PRIM2: variants seen among roughly 807,000 people sequenced by gnomAD.
PRIM2 encodes the protein DNA primase large subunit.
In PRIM2, 39 loss-of-function variants were observed where a neutral mutation model predicts 67.3. The ratio of observed to expected loss-of-function variants is 0.58; its 90% confidence interval spans 0.45 to 0.76. The LOEUF (loss-of-function observed/expected upper bound fraction) is 0.76, where lower values mean the gene tolerates loss of function less well. Among genes scored for constraint, PRIM2 ranks in the 30% least tolerant of loss-of-function variants. The pLI is 0.00. For missense variants in PRIM2, 398 were observed against 598.7 expected (o/e 0.66, Z 3.50); for synonymous variants, 143 against 198.7 (o/e 0.72, Z 2.36).
intron 12 of PRIM2, among the ~76,000 whole-genome samples, chr6:57,618,358 G>C (rs1414571098): frequency 1.3e-5 from 2 of 152,218 alleles, no homozygotes; most frequent in African/African-American, 2.4e-5. Flanking sequence ...GGCAGGACTA[G>C]ATTGCAGCTC....
intron 5 of PRIM2, among the ~76,000 whole-genome samples, chr6:57,335,140 T>A (rs1768184974): frequency 6.6e-6 from 1 of 152,196 alleles, no homozygotes; most frequent in Non-Finnish European, 1.5e-5. Flanking sequence ...ACCCGAATAC[T>A]GTGCTTTTCC....
chr6:57,594,331 A>G (rs1418881170), intron 10 of PRIM2, among the ~76,000 whole-genome samples: 2 of 152,226 alleles, frequency 1.3e-5, no homozygotes, highest in African/African-American at 4.8e-5. Flanking sequence ...TAAAATTTAT[A>G]TGGAAATGCA....
chr6:57,523,317 A>C (rs1774669288), intron 8 of PRIM2, among the ~76,000 whole-genome samples: 1 of 151,240 alleles, frequency 6.6e-6, no homozygotes, highest in African/African-American at 2.4e-5. Flanking sequence ...ACAGGTAGTG[A>C]CTGTATGCAA....
At chr6:57,534,141 GC>G (rs1201691869) in intron 9 of PRIM2, among the ~76,000 whole-genome samples, 3 of 152,064 alleles carry the variant, frequency 2.0e-5, no homozygotes, top group Non-Finnish European at 2.9e-5. Flanking sequence ...TCCGCTGTGG[GC>G]CTCTTCAAGT....
intron 8 of PRIM2, among the ~76,000 whole-genome samples, chr6:57,532,096 CTGT>C (rs1774904025): frequency 6.6e-6 from 1 of 152,110 alleles, no homozygotes; most frequent in South Asian, 2.1e-4. Context: ...TGTTGTCGTG[CTGT>C]TAATAAAGGA....
intron 12 of PRIM2, among the ~76,000 whole-genome samples, chr6:57,623,488 T>C (rs1776894078): frequency 6.6e-6 from 1 of 152,186 alleles, no homozygotes; most frequent in Non-Finnish European, 1.5e-5. Context: ...TTTATATAGT[T>C]ACACATCTTT....
intron 12 of PRIM2, among the ~76,000 whole-genome samples, chr6:57,627,961 T>C (rs1776981524): frequency 6.6e-6 from 1 of 152,232 alleles, no homozygotes. Context: ...GAATGGACCC[T>C]TGATTTGGTT....
At chr6:57,608,204 G>A (rs1376446758) in intron 12 of PRIM2, among the ~76,000 whole-genome samples, 2 of 152,120 alleles carry the variant, frequency 1.3e-5, no homozygotes, top group African/African-American at 4.8e-5. Flanking sequence ...ATACATTAAG[G>A]TAGTGAAGTA....
chr6:57,631,140 C>CG (rs1278478178), intron 12 of PRIM2, among the ~76,000 whole-genome samples: 1 of 152,272 alleles, frequency 6.6e-6, no homozygotes, highest in East Asian at 1.9e-4. Flanking sequence ...TTGTGTGTAT[C>CG]TGTCAAATGA....
intron 6 of PRIM2, among the ~76,000 whole-genome samples, chr6:57,381,505 A>G (rs1581846904): frequency 6.6e-6 from 1 of 152,212 alleles, no homozygotes; most frequent in East Asian, 1.9e-4. Flanking sequence ...TTCTTTTAAT[A>G]GCAAAACTGA....
At chr6:57,371,522 A>G (rs2208355) in intron 5 of PRIM2, among the ~76,000 whole-genome samples, 1 of 152,190 alleles carries the variant, frequency 6.6e-6, no homozygotes, top group African/African-American at 2.4e-5. Context: ...TTTGGCTTCA[A>G]TTTCAGTTTT....
chr6:57,272,012 T>C, the PRIM2 span, among the ~76,000 whole-genome samples: 2 of 152,338 alleles, frequency 1.3e-5, no homozygotes, highest in South Asian at 4.1e-4. Context: ...ATAATTTCTG[T>C]TCTTTTACAT....
intron 7 of PRIM2, among the ~76,000 whole-genome samples, chr6:57,417,551 G>A (rs1771308750): frequency 6.6e-6 from 1 of 152,128 alleles, no homozygotes; most frequent in East Asian, 1.9e-4. Context: ...TCTAAGGAGA[G>A]GAGAGAGACA....
At chr6:57,380,283 GGCTATCCCCT>G (rs56248545) in intron 6 of PRIM2, among the ~76,000 whole-genome samples, 16 of 152,018 alleles carry the variant, frequency 1.1e-4, no homozygotes, top group South Asian at 8.3e-4. Context: ...CCCTGCACTG[GGCTATCCCCT>G]GCCAGGAAAC....
intron 12 of PRIM2, among the ~76,000 whole-genome samples, chr6:57,627,788 C>A (rs1776978065): frequency 1.3e-5 from 2 of 152,304 alleles, no homozygotes; most frequent in South Asian, 4.1e-4. Context: ...GAAATACTGG[C>A]ATTAAAAACT....
At chr6:57,385,193 A>G (rs1770098945) in intron 7 of PRIM2, among the ~76,000 whole-genome samples, 1 of 152,106 alleles carries the variant, frequency 6.6e-6, no homozygotes, top group Non-Finnish European at 1.5e-5. Flanking sequence ...TTGGGTTCCT[A>G]AGTTTGTAAT....
rs1270548370 is a variant in PRIM2 at position 57,646,787 on chromosome 6, A to T, written c.*629A>T. 6.6e-6 allele frequency: 1 copy of T among 152,222 alleles called. No individual in the cohort carries two copies. The highest frequency in any genetic ancestry group is 2.4e-5 in the African/African-American group (1 of 41,464). The allele number at this position is 152,222 out of a possible 1,614,324, so 9.4% of individuals were successfully genotyped here. The stretch of plus-strand genomic sequence containing the variant: ...AGAACAACTTTTGTTTTAACTCTTA[A>T]TCACTTTGTAATTTTGACTCAATCC... On this transcript the variant is annotated 3_prime_UTR_variant, in exon 14 of 14. Transcript: ENST00000615550.
chr6:57,359,907 G>T (rs1055997008), intron 5 of PRIM2, among the ~76,000 whole-genome samples: 1 of 152,118 alleles, frequency 6.6e-6, no homozygotes, highest in Admixed American at 6.5e-5. Context: ...AGAAGTTTGT[G>T]GCTTTTTCAT....
the PRIM2 span, among the ~76,000 whole-genome samples, chr6:57,261,108 T>A: frequency 6.6e-6 from 1 of 152,194 alleles, no homozygotes; most frequent in African/African-American, 2.4e-5. Flanking sequence ...GTTGAGGCTC[T>A]CCCATGTGAT....
Sources: allele counts gnomAD v4.1 joint callset (sites outside exome capture counted in the v4.1 genomes callset), GRCh38; gene constraint gnomAD v4.1.1; transcripts MANE v1.5; gene names NCBI Gene and HGNC (gene_info 2026-07-23, HGNC 2026-07-21).